Variants in ZNF410 observed in about 807,000 individuals in gnomAD.
ZNF410 encodes the protein another partner for ARF 1.
In ZNF410, 18 loss-of-function variants were observed where a neutral mutation model predicts 54.8. That is an observed-to-expected ratio of 0.33 (90% CI 0.23 to 0.49). The LOEUF is 0.49. Ranked by LOEUF, ZNF410 falls within the 20% of genes least tolerant of loss-of-function variation. The pLI is 0.99. For missense variants in ZNF410, 405 were observed against 569.6 expected (o/e 0.71, Z 2.94); for synonymous variants, 191 against 207.3 (o/e 0.92, Z 0.68).
chr14:73,897,807 AC>A (rs1324866179), intron 4 of ZNF410, among the ~76,000 whole-genome samples: 1 of 152,010 alleles, frequency 6.6e-6, no homozygotes, highest in African/African-American at 2.4e-5. Context: ...CCCCGTCTCT[AC>A]TAAAAATACA....
At chr14:73,897,861 A>C (rs1053279863) in intron 4 of ZNF410, among the ~76,000 whole-genome samples, 1 of 151,536 alleles carries the variant, frequency 6.6e-6, no homozygotes, top group African/African-American at 2.4e-5. Flanking sequence ...AATCCCAGCT[A>C]CTCAGGAGGC....
intron 1 of ZNF410, among the ~76,000 whole-genome samples, chr14:73,891,505 G>A (rs187580029): frequency 3.8e-4 from 58 of 151,968 alleles, no homozygotes; most frequent in Non-Finnish European, 5.7e-4. Context: ...AGGTGCCTGC[G>A]ACCATGCTCA....
intron 8 of ZNF410, chr14:73,913,934 T>A (rs1041794919): frequency 3.9e-5 from 6 of 152,066 alleles, no homozygotes; most frequent in African/African-American, 1.4e-4. Flanking sequence ...TAGTAGTTTT[T>A]AAAAAATAGA....
At chr14:73,918,391 C>A (rs1343961601) in intron 8 of ZNF410, among the ~76,000 whole-genome samples, 1 of 152,084 alleles carries the variant, frequency 6.6e-6, no homozygotes, top group Non-Finnish European at 1.5e-5. Flanking sequence ...TGAGCCACTG[C>A]GCCTGGCCTG....
In ZNF410 at chr14:73,932,298, A is replaced by G. The variant is rs576743789; in HGVS notation, c.*757A>G. The G allele has an allele frequency of 1.5e-5, 5 of 338,348 alleles. No homozygotes were observed. Among genetic ancestry groups the G allele is most frequent in the South Asian group, 1.2e-4 (5 of 42,038 alleles). The allele number at this position is 338,348 out of a possible 1,614,324, so 21.0% of individuals were successfully genotyped here. A position where few individuals can be genotyped will look rare whatever the true frequency, so the allele number is the denominator to read the frequency against. On this transcript the variant is annotated 3_prime_UTR_variant, in exon 12 of 12. Coordinates refer to ENST00000555044, the MANE Select transcript of ZNF410 (RefSeq NM_021188.3). ...CAGTCAGTTCTTTGGCTCTTGTTTT[A>G]TACAAAATTTGTTTTCTTAGAGATT... is the stretch of plus-strand genomic sequence containing the variant.
intron 1 of ZNF410, among the ~76,000 whole-genome samples, chr14:73,891,021 TAAAAG>T (rs2055220778): frequency 2.0e-5 from 3 of 151,098 alleles, no homozygotes; most frequent in South Asian, 4.2e-4. Flanking sequence ...AATAAATAAA[TAAAAG>T]AGAGAGAACA....
chr14:73,913,204 A>C (rs1425856975), intron 8 of ZNF410: 1 of 152,096 alleles, frequency 6.6e-6, no homozygotes, highest in Non-Finnish European at 1.5e-5. Context: ...GCTGGGACTG[A>C]GGCAGAAATT....
intron 1 of ZNF410, among the ~76,000 whole-genome samples, chr14:73,889,954 A>T (rs2055202162): frequency 6.6e-6 from 1 of 150,760 alleles, no homozygotes; most frequent in South Asian, 2.1e-4. Context: ...ATGCCACCAC[A>T]CCTAGCTAAT....
In ZNF410 at chr14:73,905,968, C is replaced by CACATATAT. The variant is rs1461702433; in HGVS notation, c.913+886_913+887insCATATATA. Among the ~76,000 whole-genome samples the CACATATAT allele has an allele frequency of 5.4e-3, 424 of 78,786 alleles. 1 individual carries two copies. Among genetic ancestry groups the CACATATAT allele is most frequent in the African/African-American group, 0.016 (374 of 23,688 alleles). 51.7% of individuals were successfully genotyped at this position (78,786 alleles called of 152,430 possible). A position where few individuals can be genotyped will look rare whatever the true frequency, so the allele number is the denominator to read the frequency against. The stretch of plus-strand genomic sequence containing the variant: ...ATACACACACACACACACACACACA[C>CACATATAT]ATATATATATATATATATATATATA... On this transcript the variant is annotated intron_variant, in intron 7 of 11. Transcript: ENST00000555044.
chr14:73,893,759 C>A, intron 2 of ZNF410, 38 bp from the exon 3 acceptor site: 1 of 1,573,348 alleles, frequency 6.4e-7, no homozygotes, highest in Non-Finnish European at 8.6e-7. Flanking sequence ...ACATTTCTAA[C>A]AACTCGTATT....
Position 73,909,403 on chromosome 14 carries a change from C to G in ZNF410, c.976C>G (p.Leu326Val). 1 of 1,614,044 alleles carries G rather than the reference C, an allele frequency of 6.2e-7. No homozygotes were observed. Residue 326 changes from leucine (L) to valine (V), a missense_variant, in exon 8 of 12, where the codon CTC becomes GTC. Physicochemically the swap from Leu to Val is conservative, Grantham distance 32. Around this residue, in one of 3 missense-constraint regions of ZNF410, gnomAD observed 31 missense variants for 85.5 expected, o/e 0.36. Coordinates refer to ENST00000555044, the MANE Select transcript of ZNF410 (RefSeq NM_021188.3). ...CGRSFAEYSS[L>V]RKHLVVHSGE... ...CCGTTCCTTTGCTGAGTATTCTAGCCTCCGAAAACATCTGGTGGTTCACTC... is the reference window on the plus strand; with the variant it reads ...CCGTTCCTTTGCTGAGTATTCTAGCGTCCGAAAACATCTGGTGGTTCACTC...
intron 10 of ZNF410, chr14:73,922,605 A>C (rs1321477041): frequency 6.5e-6 from 1 of 154,276 alleles, no homozygotes; most frequent in Non-Finnish European, 1.4e-5. Context: ...TGGAGAAAAG[A>C]AAGGGCTCTC....
rs116352199 is a variant in ZNF410 at position 73,907,186 on chromosome 14, T to C, written c.913+2103T>C. 2.9e-3 allele frequency among the ~76,000 whole-genome samples: 446 copies of C among 152,290 alleles called. 1 individual carries two copies. The highest frequency in any genetic ancestry group is 1.0e-2 in the African/African-American group (415 of 41,544). On this transcript the variant is annotated intron_variant, in intron 7 of 11. Coordinates refer to ENST00000555044, the MANE Select transcript of ZNF410 (RefSeq NM_021188.3). ...AGGTAGGAAATGGCAGAGCTGGAAT[T>C]TGAATTCTGATATGACCCCAAAGCT...
At position 73,923,401 on chromosome 14, in the gene ZNF410, T is replaced by C. The variant is rs767619267; in HGVS notation, c.1277T>C (p.Leu426Pro). 1.2e-5 allele frequency: 19 copies of C among 1,613,172 alleles called. 1 individual carries two copies. In the South Asian group the frequency reaches 1.7e-4, roughly 14 times the overall value. ...NSILGVDDEV[L>P]AEGSPRSLSS... ...TTTTTCTGTTGCTTCACAGAGGTGC[T>C]TGCTGAAGGATCCCCACGTTCCCTG... Residue 426 changes from leucine to proline, a missense_variant, in exon 11 of 12, where the codon CTT (leucine) becomes CCT (proline). Leu to Pro is a moderately conservative substitution (Grantham distance 98). Transcript: ENST00000555044.
At chr14:73,896,681 A>T in intron 4 of ZNF410, 147 bp downstream of exon 4, 1 of 669,808 alleles carries the variant, frequency 1.5e-6, no homozygotes, top group South Asian at 2.0e-5. Flanking sequence ...CCATTTGAAT[A>T]TGTAGAGGGA....
chr14:73,912,805 G>A (rs1436714309), intron 8 of ZNF410, among the ~76,000 whole-genome samples: 2 of 151,250 alleles, frequency 1.3e-5, no homozygotes, highest in Non-Finnish European at 2.9e-5. Flanking sequence ...GTAGTATATA[G>A]AAATACAATT....
At chr14:73,918,417 A>T (rs981703561) in intron 8 of ZNF410, among the ~76,000 whole-genome samples, 7 of 151,744 alleles carry the variant, frequency 4.6e-5, no homozygotes, top group African/African-American at 1.5e-4. Flanking sequence ...TTTTATTTTT[A>T]TTTTTTCTGA....
intron 1 of ZNF410, among the ~76,000 whole-genome samples, chr14:73,889,432 A>G (rs918993636): frequency 1.4e-5 from 1 of 71,416 alleles, no homozygotes; most frequent in Non-Finnish European, 2.6e-5. Flanking sequence ...ACTCAGTCTC[A>G]AAAAAAAAAA....
chr14:73,931,238 A>G (rs2055909109), intron 11 of ZNF410, among the ~76,000 whole-genome samples: 1 of 152,170 alleles, frequency 6.6e-6, no homozygotes, highest in African/African-American at 2.4e-5. Flanking sequence ...TGAGTAGGTA[A>G]CTACACAAAC....
Sources: allele counts gnomAD v4.1 joint callset (sites outside exome capture counted in the v4.1 genomes callset), GRCh38; gene constraint gnomAD v4.1.1; regional missense constraint gnomAD v4.1.1; transcripts MANE v1.5; gene names NCBI Gene and HGNC (gene_info 2026-07-23, HGNC 2026-07-21).